CLCN5: variants seen among roughly 807,000 people sequenced by gnomAD.
CLCN5 encodes the protein Cl-/H+ antiporter 5.
Under a neutral mutation model 54.0 loss-of-function variants are expected in CLCN5, and 17 were observed. That is an observed-to-expected ratio of 0.31 (90% CI 0.22 to 0.47). The LOEUF is 0.47. Among genes scored for constraint, CLCN5 ranks in the 20% least tolerant of loss-of-function variants. The probability of loss-of-function intolerance (pLI) is 1.00; values close to 1 mark genes in which losing one functional copy is unlikely to be tolerated. For synonymous variants in CLCN5, 222 were observed against 233.0 expected (o/e 0.95, Z 0.43); for missense variants, 448 against 646.7 (o/e 0.69, Z 3.33).
chrX:49,929,480 A>C (rs181045089), intron 3 of CLCN5, among the ~76,000 whole-genome samples: 97 of 112,074 alleles, frequency 8.7e-4, no homozygotes, highest in Admixed American at 2.2e-3. Flanking sequence ...CGCAATGGTC[A>C]GTGGAAACAA....
chrX:50,031,995 T>TA (rs1557185905), intron 3 of CLCN5, among the ~76,000 whole-genome samples: 1 of 106,783 alleles, frequency 9.4e-6, no homozygotes, highest in East Asian at 3.0e-4. Context: ...TTGCGATAGT[T>TA]TACTGAGAAT....
At chrX:50,066,120 A>G (rs1175503336) in intron 4 of CLCN5, among the ~76,000 whole-genome samples, 3 of 103,578 alleles carry the variant, frequency 2.9e-5, no homozygotes, top group Non-Finnish European at 5.9e-5. Context: ...CATGTAACTA[A>G]CCTGCACATT....
intron 3 of CLCN5, among the ~76,000 whole-genome samples, chrX:49,979,043 A>G (rs1928609471): frequency 9.0e-6 from 1 of 111,457 alleles, no homozygotes; most frequent in Admixed American, 9.5e-5. Flanking sequence ...ATGGGGGCCA[A>G]CTTTGGAGAG....
intron 4 of CLCN5, among the ~76,000 whole-genome samples, chrX:50,058,531 A>G (rs781783399): frequency 8.1e-5 from 9 of 111,672 alleles, no homozygotes; most frequent in Non-Finnish European, 1.5e-4. Flanking sequence ...TGAGTTAAAT[A>G]CATTCATTTA....
chrX:50,008,194 C>T (rs1181111702), intron 3 of CLCN5, among the ~76,000 whole-genome samples: 6 of 112,078 alleles, frequency 5.4e-5, no homozygotes, highest in East Asian at 2.8e-4. Context: ...TGAGCTTTGG[C>T]GTTATATTCA....
chrX:50,078,989 AT>A (rs1295628918), intron 7 of CLCN5, among the ~76,000 whole-genome samples: 6 of 110,832 alleles, frequency 5.4e-5, no homozygotes, highest in African/African-American at 2.0e-4. Flanking sequence ...CGCCCGGCTA[AT>A]TTTTTTGTAT....
In CLCN5 at chrX:50,092,957, G is replaced by C. The variant is rs1414212049; in HGVS notation, c.*738G>C. Reference sequence around the variant, plus strand: ...AGCTTTCTCCTTGTCTGCAAAAACGGTAATTTTCCAGGTGGCATTTGTTAG... The same window carrying C: ...AGCTTTCTCCTTGTCTGCAAAAACGCTAATTTTCCAGGTGGCATTTGTTAG... On this transcript the variant is annotated 3_prime_UTR_variant, in exon 15 of 15. Coordinates refer to ENST00000376091, the MANE Select transcript of CLCN5 (RefSeq NM_001127898.4). 2 of 112,441 alleles carry C rather than the reference G, an allele frequency of 1.8e-5. No individual in the cohort carries two copies. Among genetic ancestry groups the C allele is most frequent in the Non-Finnish European group, 3.8e-5 (2 of 53,260 alleles). 9.3% of individuals were successfully genotyped at this position (112,441 alleles called of 1,213,427 possible).
At position 50,090,209 on chromosome X, in the gene CLCN5, T is replaced by A. The variant is rs1261926093; in HGVS notation, c.1838T>A (p.Met613Lys). The A allele has an allele frequency of 8.3e-7, 1 of 1,209,842 alleles. No individual in the cohort carries two copies. The highest frequency in any genetic ancestry group is 1.1e-6 in the Non-Finnish European group (1 of 895,030). ...ATCGTGCCTCTGATGGCTGCAGCCATGACAAGCAAGTGGGTGGCAGATGCT... is the reference window on the plus strand; with the variant it reads ...ATCGTGCCTCTGATGGCTGCAGCCAAGACAAGCAAGTGGGTGGCAGATGCT... ...EYIVPLMAAAMTSKWVADALG... is the reference protein window; with the variant it reads ...EYIVPLMAAAKTSKWVADALG... Residue 613 changes from methionine to lysine, a missense_variant, in exon 13 of 15, where the codon ATG (methionine) becomes AAG (lysine). By Grantham distance (95) the Met-to-Lys change is moderately conservative (BLOSUM62 -1). This residue lies in a region of CLCN5 where 297 missense variants were observed against 470.4 expected (regional missense o/e 0.63). Transcript: ENST00000376091.
chrX:50,063,631 A>G (rs1557190293), intron 4 of CLCN5, among the ~76,000 whole-genome samples: 4 of 105,892 alleles, frequency 3.8e-5, no homozygotes, highest in Admixed American at 2.0e-4. Context: ...TCAATAGAAA[A>G]AGAGGGAATC....
In CLCN5 at chrX:50,042,411, A is replaced by G. The variant is rs1557187297; in HGVS notation, c.112A>G (p.Met38Val). 3 of 1,150,999 alleles carry G rather than the reference A, an allele frequency of 2.6e-6. No individual in the cohort carries two copies. The highest frequency in any genetic ancestry group is 1.2e-6 in the Non-Finnish European group (1 of 860,538). The allele number at this position is 1,150,999 out of a possible 1,213,427, so 94.9% of individuals were successfully genotyped here. A position where few individuals can be genotyped will look rare whatever the true frequency, so the allele number is the denominator to read the frequency against. Residue 38 changes from methionine (M) to valine (V), a missense_variant, in exon 4 of 15, where the codon ATG becomes GTG. Transcript: ENST00000376091. Reference protein sequence around the residue: ...EDLMDIPATAMDFSMRDDVPP... With the variant: ...EDLMDIPATAVDFSMRDDVPP... ...CCTGATGGACATTCCAGCAACCGCT[A>G]TGGATTTCTCCATGAGAGATGATGT... is the stretch of plus-strand genomic sequence containing the variant.
rs902026496 is a variant in CLCN5, at chrX:49,932,785, A to T, written c.16+7471A>T. Reference sequence around the variant, plus strand: ...GAGGTGGCAAAATATACGTCAGGCTAAGTGTGAAAATAAGGCAGAGGAAAA... The same window carrying T: ...GAGGTGGCAAAATATACGTCAGGCTTAGTGTGAAAATAAGGCAGAGGAAAA... On this transcript the variant is annotated intron_variant, in intron 3 of 14. Coordinates refer to ENST00000376091, the MANE Select transcript of CLCN5 (RefSeq NM_001127898.4). 3.5e-5 allele frequency among the ~76,000 whole-genome samples: 4 copies of T among 112,705 alleles called. No homozygotes were observed. In the South Asian group the frequency reaches 1.5e-3, roughly 41 times the overall value.
At chrX:49,970,543 A>G (rs1293425646) in intron 3 of CLCN5, among the ~76,000 whole-genome samples, 1 of 111,559 alleles carries the variant, frequency 9.0e-6, no homozygotes, top group African/African-American at 3.3e-5. Flanking sequence ...AATTTTTTTC[A>G]AAGTTCATCT....
intron 14 of CLCN5, among the ~76,000 whole-genome samples, chrX:50,091,234 CTTA>C (rs1271529022): frequency 9.0e-6 from 1 of 111,450 alleles, no homozygotes; most frequent in Admixed American, 9.6e-5. Context: ...CTACAATCTC[CTTA>C]TTATTACTTG....
At chrX:50,008,215 C>A (rs782517600) in intron 3 of CLCN5, among the ~76,000 whole-genome samples, 153 of 112,236 alleles carry the variant, frequency 1.4e-3, no homozygotes, top group Non-Finnish European at 2.5e-3. Flanking sequence ...TTCTCTCTTT[C>A]CTCCCTTTCA....
chrX:49,929,716 C>CA (rs1925539421), intron 3 of CLCN5, among the ~76,000 whole-genome samples: 1 of 109,825 alleles, frequency 9.1e-6, no homozygotes, highest in Admixed American at 9.7e-5. Context: ...AATTGTGATT[C>CA]AGTCTTAAGA....
rs1371927141 is a variant in CLCN5 at position 49,991,394 on chromosome X, G to A, written c.17-50922G>A. 2.7e-5 allele frequency among the ~76,000 whole-genome samples: 3 copies of A among 111,398 alleles called. 1 individual carries two copies. Among genetic ancestry groups the A allele is most frequent in the African/African-American group, 9.8e-5 (3 of 30,624 alleles). On this transcript the variant is annotated intron_variant, in intron 3 of 14. Coordinates refer to ENST00000376091, the MANE Select transcript of CLCN5 (RefSeq NM_001127898.4). ...TTCATGTCCTTAGCCCACTTTTTGA[G>A]GGGATTATTATTTTTTCTTGATTTG...
At position 50,086,720 on chromosome X, in the gene CLCN5, G is replaced by A; in HGVS notation, c.1407G>A (p.Lys469=). 8.3e-7 allele frequency: 1 copy of A among 1,211,307 alleles called. No individual in the cohort carries two copies. Among genetic ancestry groups the A allele is most frequent in the Non-Finnish European group, 1.1e-6 (1 of 895,533 alleles). The change falls in exon 11 of 15, where the codon AAG becomes AAA. Residue 469 remains lysine (K), a synonymous_variant. Coordinates refer to ENST00000376091, the MANE Select transcript of CLCN5 (RefSeq NM_001127898.4). The part of the protein sequence containing the change: ...FNDCGLLDSS[K]LCDYENRFNT... ...ACTGTGGCCTTCTGGACTCCTCCAA[G>A]CTCTGTGATTATGAGAACCGTTTCA... is the stretch of plus-strand genomic sequence containing the variant.
chrX:50,093,061 G>C lies in CLCN5; in HGVS notation c.*842G>C, dbSNP rs1048319278. 1.8e-5 allele frequency: 2 copies of C among 112,303 alleles called. No individual in the cohort carries two copies. The highest frequency in any genetic ancestry group is 3.8e-5 in the Non-Finnish European group (2 of 53,283). 9.3% of individuals were successfully genotyped at this position (112,303 alleles called of 1,213,427 possible). On this transcript the variant is annotated 3_prime_UTR_variant, in exon 15 of 15. Transcript: ENST00000376091. ...CCAGCTTCCTTGAAATGAATAATTA[G>C]TAAACTTCTAAGCAAAGTCAATGAC...
At chrX:49,969,997 A>G (rs1928120281) in intron 3 of CLCN5, among the ~76,000 whole-genome samples, 1 of 111,457 alleles carries the variant, frequency 9.0e-6, no homozygotes, top group South Asian at 3.8e-4. Context: ...ATATCATGAC[A>G]TGACCTTTTT....
Sources: gnomAD v4.1 joint callset for allele counts (sites outside exome capture counted in the v4.1 genomes callset) on GRCh38, gnomAD v4.1.1 for gene constraint, gnomAD v4.1.1 regional missense constraint, MANE v1.5 for transcripts, NCBI Gene and HGNC (gene_info 2026-07-23, HGNC 2026-07-21) for gene names.